The following CMIP variants were observed in gnomAD, a reference collection of about 807,000 sequenced individuals.
CMIP encodes the protein c-Maf inducing protein, also known as C-Maf-inducing protein.
Under a neutral mutation model 97.3 loss-of-function variants are expected in CMIP, and 13 were observed. The ratio of observed to expected loss-of-function variants is 0.13; its 90% CI spans 0.09 to 0.21. The LOEUF is 0.21. Ranked by LOEUF, CMIP falls within the 10% of genes least tolerant of loss-of-function variation. The pLI, the probability that CMIP is intolerant of heterozygous loss-of-function variation, is 1.00. For synonymous variants in CMIP, 538 were observed against 436.3 expected (o/e 1.23, Z -2.91); for missense variants, 847 against 1,024.9 (o/e 0.83, Z 2.37).
chr16:81,450,988 G>A (rs367764122), intron 1 of CMIP, among the ~76,000 whole-genome samples: 11 of 152,202 alleles, frequency 7.2e-5, no homozygotes, highest in South Asian at 2.1e-4. Context: ...CCCTCCATGC[G>A]TGTGCAGCTG....
chr16:81,534,141 G>A (rs1033183260), intron 1 of CMIP, among the ~76,000 whole-genome samples: 5 of 152,284 alleles, frequency 3.3e-5, no homozygotes, highest in Admixed American at 6.5e-5. Flanking sequence ...GCCAGGCTGC[G>A]TTTCAAAGCC....
intron 1 of CMIP, among the ~76,000 whole-genome samples, chr16:81,477,014 G>A (rs1407233608): frequency 2.6e-5 from 4 of 152,002 alleles, no homozygotes; most frequent in Non-Finnish European, 4.4e-5. Flanking sequence ...TTCATCTATA[G>A]TAGGACCATT....
chr16:81,688,854 C>G (rs144839948), intron 10 of CMIP, among the ~76,000 whole-genome samples: 4,432 of 152,234 alleles, frequency 0.029, 112 homozygotes, highest in African/African-American at 0.065. Flanking sequence ...TTCCCCACCC[C>G]GTGGCCAAGT....
intron 1 of CMIP, among the ~76,000 whole-genome samples, chr16:81,517,544 TC>T (rs543330137): frequency 3.3e-5 from 5 of 152,210 alleles, no homozygotes; most frequent in Non-Finnish European, 7.3e-5. Context: ...GGGCTTGAAT[TC>T]AGGTAAAGGG....
chr16:81,500,264 T>TTCCGTCCGTCCG (rs1208122157), intron 1 of CMIP, among the ~76,000 whole-genome samples: 1 of 140,798 alleles, frequency 7.1e-6, no homozygotes, highest in African/African-American at 2.7e-5. Context: ...CCGTCCTTCC[T>TTCCGTCCGTCCG]TCCTTCCGTC....
chr16:81,635,466 C>T (rs186584295), intron 3 of CMIP, among the ~76,000 whole-genome samples: 1 of 152,226 alleles, frequency 6.6e-6, no homozygotes, highest in East Asian at 1.9e-4. Flanking sequence ...AAAATCGATA[C>T]GAATTGATCT....
intron 1 of CMIP, among the ~76,000 whole-genome samples, chr16:81,602,071 C>T (rs2091667149): frequency 6.6e-6 from 1 of 152,158 alleles, no homozygotes; most frequent in African/African-American, 2.4e-5. Context: ...ACATGTTTCA[C>T]AAGGATGTTC....
intron 1 of CMIP, among the ~76,000 whole-genome samples, chr16:81,525,163 A>G (rs898596962): frequency 1.3e-5 from 2 of 149,842 alleles, no homozygotes; most frequent in African/African-American, 4.9e-5. Flanking sequence ...TTTTTTCTTG[A>G]GATGGAGTCT....
chr16:81,480,598 C>T (rs112619899), intron 1 of CMIP, among the ~76,000 whole-genome samples: 6 of 152,278 alleles, frequency 3.9e-5, no homozygotes, highest in African/African-American at 1.4e-4. Context: ...GCTGCTCCAG[C>T]CTCCCTCTGT....
intron 1 of CMIP, chr16:81,476,045 G>A (rs565022567): frequency 2.8e-6 from 2 of 714,644 alleles, no homozygotes; most frequent in East Asian, 2.7e-5. Context: ...TCCACAGTTA[G>A]CAATAGTGAT....
chr16:81,600,724 A>G (rs1450596059), intron 1 of CMIP, among the ~76,000 whole-genome samples: 1 of 152,190 alleles, frequency 6.6e-6, no homozygotes, highest in Non-Finnish European at 1.5e-5. Context: ...TAAGTGATTA[A>G]TGGTTAGTTT....
At chr16:81,629,085 G>A (rs148274655) in intron 3 of CMIP, among the ~76,000 whole-genome samples, 2,424 of 139,920 alleles carry the variant, frequency 0.017, 34 homozygotes, top group Middle Eastern at 0.028. Context: ...GCAGTGAGCC[G>A]AGATGGTGCC....
rs1321260346 is a variant in CMIP, at chr16:81,486,050, G to A, written c.300+40509G>A. Reference sequence around the variant, plus strand: ...TGAGAGCCTGGCACCCGGCCTGACAGGCAGAGAGGGGCTCCCAAAGGCCAC... The same window carrying A: ...TGAGAGCCTGGCACCCGGCCTGACAAGCAGAGAGGGGCTCCCAAAGGCCAC... On this transcript the variant is annotated intron_variant, in intron 1 of 20. Coordinates refer to ENST00000537098, the MANE Select transcript of CMIP (RefSeq NM_198390.3). Among the ~76,000 whole-genome samples, 3 of 152,260 alleles carry A rather than the reference G, an allele frequency of 2.0e-5. No individual in the cohort carries two copies. The East Asian group carries it at 5.8e-4, about 29-fold the overall frequency.
chr16:81,479,530 C>A (rs1293527862), intron 1 of CMIP, among the ~76,000 whole-genome samples: 1 of 152,166 alleles, frequency 6.6e-6, no homozygotes, highest in Non-Finnish European at 1.5e-5. Flanking sequence ...CCCTGGCAGC[C>A]ACCATTCTCT....
At chr16:81,557,662 C>T (rs1465628157) in intron 1 of CMIP, among the ~76,000 whole-genome samples, 2 of 152,144 alleles carry the variant, frequency 1.3e-5, no homozygotes, top group African/African-American at 4.8e-5. Context: ...GTGGTCCCCG[C>T]TACTCAGGAG....
intron 1 of CMIP, among the ~76,000 whole-genome samples, chr16:81,603,808 C>G (rs1372445158): frequency 6.6e-6 from 1 of 152,184 alleles, no homozygotes; most frequent in Admixed American, 6.5e-5. Flanking sequence ...AGGAAGACCC[C>G]AGAGGCAAAG....
intron 14 of CMIP, among the ~76,000 whole-genome samples, chr16:81,698,502 G>C (rs921394583): frequency 2.0e-5 from 3 of 152,338 alleles, no homozygotes; most frequent in East Asian, 1.9e-4. Flanking sequence ...ATGTGCGAAG[G>C]CTGCCTAGAA....
chr16:81,469,249 G>A (rs1406615759), intron 1 of CMIP, among the ~76,000 whole-genome samples: 2 of 152,240 alleles, frequency 1.3e-5, no homozygotes, highest in African/African-American at 4.8e-5. Flanking sequence ...GTCACGTATA[G>A]GAAAACTGGG....
intron 6 of CMIP, among the ~76,000 whole-genome samples, chr16:81,663,311 C>T (rs966716836): frequency 1.4e-5 from 2 of 143,116 alleles, no homozygotes; most frequent in Non-Finnish European, 1.5e-5. Context: ...AAAAAAAAAA[C>T]GAGCTAGCAG....
Sources: gnomAD v4.1 joint callset for allele counts (sites outside exome capture counted in the v4.1 genomes callset) on GRCh38, gnomAD v4.1.1 for gene constraint, MANE v1.5 for transcripts, NCBI Gene and HGNC (gene_info 2026-07-23, HGNC 2026-07-21) for gene names.